CADM2: variants seen among roughly 807,000 people sequenced by gnomAD.
The protein encoded by CADM2 is immunoglobulin superfamily member 4D.
A neutral mutation model predicts 49.8 loss-of-function variants in CADM2; 12 were observed. The observed-to-expected ratio is 0.24, with a 90% CI of 0.15 to 0.39. CADM2 has a LOEUF of 0.39. Among genes scored for constraint, CADM2 ranks in the 10% least tolerant of loss-of-function variants. CADM2 has a pLI of 1.00. For missense variants in CADM2, 378 were observed against 492.3 expected (o/e 0.77, Z 2.20); for synonymous variants, 214 against 175.4 (o/e 1.22, Z -1.74).
At position 86,070,546 on chromosome 3, in the gene CADM2, C is replaced by T. The variant is rs976060602; in HGVS notation, c.*3763C>T. 1 of 151,764 alleles carries T rather than the reference C, an allele frequency of 6.6e-6. No individual in the cohort carries two copies. The highest frequency in any genetic ancestry group is 1.5e-5 in the Non-Finnish European group (1 of 67,836). 9.4% of individuals were successfully genotyped at this position (151,764 alleles called of 1,614,324 possible). ...ACCTCATGTCTTACCACAACTTTCCCATGGTATTGCTAATTACTTAGAGTC... is the reference window on the plus strand; with the variant it reads ...ACCTCATGTCTTACCACAACTTTCCTATGGTATTGCTAATTACTTAGAGTC... On this transcript the variant is annotated 3_prime_UTR_variant, in exon 10 of 10. Coordinates refer to ENST00000383699, the MANE Select transcript of CADM2 (RefSeq NM_001167675.2).
intron 1 of CADM2, among the ~76,000 whole-genome samples, chr3:85,570,948 T>A (rs574849958): frequency 6.6e-6 from 1 of 152,148 alleles, no homozygotes; most frequent in Non-Finnish European, 1.5e-5. Context: ...ACTACCTGAT[T>A]TTTTTTCATT....
At chr3:85,256,868 T>G (rs992506884) in intron 1 of CADM2, among the ~76,000 whole-genome samples, 1 of 152,132 alleles carries the variant, frequency 6.6e-6, no homozygotes. Context: ...CTTCTGCCAT[T>G]TAACTTCTTG....
chr3:85,985,725 T>A (rs571824125), intron 8 of CADM2, among the ~76,000 whole-genome samples: 1 of 152,024 alleles, frequency 6.6e-6, no homozygotes, highest in South Asian at 2.1e-4. Flanking sequence ...CTGAAAGATC[T>A]TAATAAATAA....
intron 1 of CADM2, among the ~76,000 whole-genome samples, chr3:85,379,425 A>G (rs1047900400): frequency 6.6e-6 from 1 of 152,034 alleles, no homozygotes. Context: ...AGTAAAGGTC[A>G]GGTGTTTCAT....
intron 8 of CADM2, among the ~76,000 whole-genome samples, chr3:86,041,178 G>C (rs980496989): frequency 1.3e-5 from 2 of 152,086 alleles, no homozygotes; most frequent in Non-Finnish European, 2.9e-5. Context: ...ATGAACTAAC[G>C]AGCAAAATAA....
chr3:85,776,486 A>G (rs1003488533), intron 2 of CADM2, among the ~76,000 whole-genome samples: 2 of 152,050 alleles, frequency 1.3e-5, no homozygotes, highest in Non-Finnish European at 2.9e-5. Context: ...CATGTCTGGC[A>G]TAGGAACTTA....
intron 1 of CADM2, among the ~76,000 whole-genome samples, chr3:84,991,900 A>G (rs1483926577): frequency 6.6e-6 from 1 of 152,184 alleles, no homozygotes; most frequent in East Asian, 1.9e-4. Flanking sequence ...CAATCTGAAA[A>G]GGCTACACAT....
At chr3:85,071,031 T>TAAACAAAC (rs1374725003) in intron 1 of CADM2, among the ~76,000 whole-genome samples, 81 of 142,710 alleles carry the variant, frequency 5.7e-4, no homozygotes, top group South Asian at 5.0e-3. Flanking sequence ...AACAAATAAA[T>TAAACAAAC]AAATAAATAA....
At chr3:85,593,710 A>G (rs868503033) in intron 1 of CADM2, among the ~76,000 whole-genome samples, 17 of 152,158 alleles carry the variant, frequency 1.1e-4, no homozygotes, top group Middle Eastern at 3.4e-3. Flanking sequence ...GCATTTGTCA[A>G]GCTTTTCATG....
intron 1 of CADM2, among the ~76,000 whole-genome samples, chr3:85,387,048 T>C (rs1023033000): frequency 2.0e-5 from 3 of 152,098 alleles, no homozygotes; most frequent in Admixed American, 6.6e-5. Flanking sequence ...AAGCAATCTC[T>C]CTGAGTAAGG....
intron 7 of CADM2, among the ~76,000 whole-genome samples, chr3:85,940,369 A>T (rs1416667291): frequency 2.0e-5 from 3 of 151,770 alleles, no homozygotes; most frequent in Non-Finnish European, 4.4e-5. Context: ...AGTTTTATAT[A>T]AAGTCAATTT....
At chr3:85,833,876 GT>G (rs1031224522) in intron 3 of CADM2, among the ~76,000 whole-genome samples, 1 of 151,258 alleles carries the variant, frequency 6.6e-6, no homozygotes, top group African/African-American at 2.4e-5. Flanking sequence ...TGATATTTAG[GT>G]TTTTTTCCAT....
chr3:85,596,439 C>T (rs1452710326), intron 1 of CADM2, among the ~76,000 whole-genome samples: 1 of 151,964 alleles, frequency 6.6e-6, no homozygotes, highest in Admixed American at 6.6e-5. Flanking sequence ...AAAGCATATG[C>T]TGTTTAAAAA....
At chr3:85,714,422 T>TTTTG (rs964635705) in intron 1 of CADM2, among the ~76,000 whole-genome samples, 1 of 152,004 alleles carries the variant, frequency 6.6e-6, no homozygotes, top group African/African-American at 2.4e-5. Flanking sequence ...GTTTTCTGTT[T>TTTTG]TTTGTTTGTT....
At chr3:85,900,620 T>G (rs1289848857) in intron 5 of CADM2, among the ~76,000 whole-genome samples, 3 of 152,192 alleles carry the variant, frequency 2.0e-5, no homozygotes, top group African/African-American at 7.2e-5. Flanking sequence ...TAATTAATGT[T>G]GTTAATCAAC....
chr3:86,064,246 C>T (rs1739048124), intron 8 of CADM2, among the ~76,000 whole-genome samples: 1 of 152,026 alleles, frequency 6.6e-6, no homozygotes, highest in Non-Finnish European at 1.5e-5. Flanking sequence ...TGATGTTCCC[C>T]TTCCTGTGCC....
At chr3:85,796,503 A>C (rs771754269) in intron 2 of CADM2, among the ~76,000 whole-genome samples, 44 of 152,144 alleles carry the variant, frequency 2.9e-4, no homozygotes, top group Non-Finnish European at 6.0e-4. Flanking sequence ...ACCTCAATTT[A>C]AAAACTCCAC....
At chr3:85,810,179 G>T (rs185979627) in intron 3 of CADM2, among the ~76,000 whole-genome samples, 4 of 152,172 alleles carry the variant, frequency 2.6e-5, no homozygotes, top group Admixed American at 2.0e-4. Flanking sequence ...AGCTATGACT[G>T]GCTGAGAAGG....
At chr3:85,573,160 TA>T (rs2062530489) in intron 1 of CADM2, among the ~76,000 whole-genome samples, 1 of 3,348 alleles carries the variant, frequency 3.0e-4, no homozygotes, top group Non-Finnish European at 8.3e-4. Context: ...GTGCTTATTT[TA>T]TTTATTTATT....
Sources: gnomAD v4.1 joint callset for allele counts (sites outside exome capture counted in the v4.1 genomes callset) on GRCh38, gnomAD v4.1.1 for gene constraint, MANE v1.5 for transcripts, NCBI Gene and HGNC (gene_info 2026-07-23, HGNC 2026-07-21) for gene names.